DNMT1: variants seen among roughly 807,000 people sequenced by gnomAD.
DNMT1 encodes the protein DNA methyltransferase 1, also known as DNA (cytosine-5)-methyltransferase 1.
DNMT1 carries 24 observed loss-of-function variants against 205.3 expected under a neutral mutation model. The observed-to-expected ratio is 0.12, with a 90% CI of 0.08 to 0.16. The LOEUF is 0.16. Ranked by LOEUF, DNMT1 falls within the 10% of genes least tolerant of loss-of-function variation. The pLI, the probability that DNMT1 is intolerant of heterozygous loss-of-function variation, is 1.00. For synonymous variants in DNMT1, 817 were observed against 839.8 expected, an observed-to-expected ratio of 0.97 and a Z score of 0.47; for missense variants, 1,293 against 2,177.7, an observed-to-expected ratio of 0.59 and a Z score of 8.09.
At chr19:10,142,531 G>C in intron 29 of DNMT1, among the ~76,000 whole-genome samples, 1 of 150,638 alleles carries the variant, frequency 6.6e-6, no homozygotes, top group East Asian at 2.0e-4. Context: ...CTCCCAGTAA[G>C]GGAATCACAG....
At chr19:10,153,050 G>C (rs750035782) in intron 22 of DNMT1, among the ~76,000 whole-genome samples, 2 of 152,096 alleles carry the variant, frequency 1.3e-5, no homozygotes, top group Non-Finnish European at 2.9e-5. Flanking sequence ...GTGGTGTGAG[G>C]AAAGAAGAAC....
chr19:10,183,239 C>T (rs1356724452), intron 1 of DNMT1, among the ~76,000 whole-genome samples: 3 of 151,538 alleles, frequency 2.0e-5, no homozygotes, highest in Non-Finnish European at 2.9e-5. Flanking sequence ...GCTCAGCCTC[C>T]CGAGTAGCTG....
At chr19:10,169,462 C>T (rs1371691015) in intron 9 of DNMT1, among the ~76,000 whole-genome samples, 1 of 150,712 alleles carries the variant, frequency 6.6e-6, no homozygotes, top group Non-Finnish European at 1.5e-5. Context: ...GAGGTGGAGG[C>T]AGGAGAATGG....
chr19:10,193,476 A>C (rs2145414200), intron 1 of DNMT1, among the ~76,000 whole-genome samples: 1 of 149,830 alleles, frequency 6.7e-6, no homozygotes, highest in South Asian at 2.3e-4. Flanking sequence ...TGATACTCCC[A>C]CCTTAGTCTG....
intron 2 of DNMT1, 77 bp from the exon 3 acceptor site, chr19:10,180,962 G>A: frequency 8.4e-7 from 1 of 1,191,380 alleles, no homozygotes; most frequent in East Asian, 2.4e-5. Flanking sequence ...AAATTATTGA[G>A]CTGCCTGATC....
At chr19:10,173,319 T>C in intron 8 of DNMT1, 145 bp from the exon 9 acceptor site, 1 of 791,950 alleles carries the variant, frequency 1.3e-6, no homozygotes, top group African/African-American at 1.7e-5. Flanking sequence ...TAACATTTAG[T>C]ATTTGATATG....
Position 10,149,665 on chromosome 19 carries a change from C to A in DNMT1, c.2382-8G>T, listed in dbSNP as rs2038292825. On this transcript the variant is annotated splice_polypyrimidine_tract_variant and splice_region_variant and intron_variant, in intron 25 of 40. Coordinates refer to ENST00000359526, the MANE Select transcript of DNMT1 (RefSeq NM_001130823.3). ...TCCCACAGCGCCGTGACCCTGGAAT[C>A]AGAAGACGGGCATGGGGAGAAAGTT... The A allele has an allele frequency of 4.3e-6, 7 of 1,613,432 alleles. No homozygotes were observed. Among genetic ancestry groups the A allele is most frequent in the Non-Finnish European group, 5.9e-6 (7 of 1,180,040 alleles).
At chr19:10,163,288 C>A (rs756450267) in intron 12 of DNMT1, 38 bp downstream of exon 12, 2 of 1,612,140 alleles carry the variant, frequency 1.2e-6, no homozygotes, top group South Asian at 2.2e-5. Context: ...TTCTACTGAT[C>A]CAGATGACAC....
In DNMT1 at chr19:10,190,443, C is replaced by T. The variant is rs534237509; in HGVS notation, c.80+4377G>A. 2.0e-5 allele frequency among the ~76,000 whole-genome samples: 3 copies of T among 152,202 alleles called. No individual in the cohort carries two copies. In the East Asian group the frequency reaches 5.8e-4, roughly 29 times the overall value. On this transcript the variant is annotated intron_variant, in intron 1 of 40. Coordinates refer to ENST00000359526, the MANE Select transcript of DNMT1 (RefSeq NM_001130823.3). The stretch of plus-strand genomic sequence containing the variant: ...ACACTCTTTATTGTGGAGAAGCAAG[C>T]CTAGCTGTCTGAGAGCAGGCTTAAG...
In DNMT1 at chr19:10,140,303, G is replaced by A. The variant is rs1001521523; in HGVS notation, c.3549C>T (p.Ile1183=). 17 of 1,613,776 alleles carry A rather than the reference G, an allele frequency of 1.1e-5. No homozygotes were observed. The highest frequency in any genetic ancestry group is 4.5e-5 in the East Asian group (2 of 44,892). The change falls in exon 33 of 41, where the codon ATC becomes ATT. Residue 1183 remains isoleucine (I), a synonymous_variant. Transcript: ENST00000359526. The surrounding 1 kb of genome is among the most constrained non-coding windows in gnomAD (Gnocchi z 8.4). The part of the protein sequence containing the change: ...QAGISDTLWA[I]EMWDPAAQAF... Reference sequence around the variant, plus strand: ...CCTGGGCCGCAGGGTCCCACATCTCGATGGCCCACAGCGTGTCAGAGATGC... The same window carrying A: ...CCTGGGCCGCAGGGTCCCACATCTCAATGGCCCACAGCGTGTCAGAGATGC...
intron 13 of DNMT1, 115 bp from the exon 14 acceptor site, chr19:10,160,533 G>A: frequency 8.6e-7 from 1 of 1,166,232 alleles, no homozygotes; most frequent in South Asian, 1.3e-5. Flanking sequence ...GAGAAGGGGA[G>A]GGAGGCAGTG....
At chr19:10,181,448 C>G (rs933564563) in intron 2 of DNMT1, among the ~76,000 whole-genome samples, 4 of 150,920 alleles carry the variant, frequency 2.7e-5, no homozygotes, top group African/African-American at 9.8e-5. Flanking sequence ...GACCCTATCT[C>G]AAAACAATAA....
At position 10,146,582 on chromosome 19, in the gene DNMT1, G is replaced by A; in HGVS notation, c.2721-58C>T. ...CCTGAGGTGGCCGGCAGTGGCCGCA[G>A]CAGCTACTGCCAGCTTAATCCAGAG... On this transcript the variant is annotated intron_variant, in intron 27 of 40. Coordinates refer to ENST00000359526, the MANE Select transcript of DNMT1 (RefSeq NM_001130823.3). This position sits in a 1 kb window ranked among gnomAD's most constrained non-coding sequence, Gnocchi z 4.4. 6.2e-7 allele frequency: 1 copy of A among 1,605,172 alleles called. No homozygotes were observed. The highest frequency in any genetic ancestry group is 8.5e-7 in the Non-Finnish European group (1 of 1,174,714).
At position 10,159,193 on chromosome 19, in the gene DNMT1, A is replaced by C. The variant is rs1299981408; in HGVS notation, c.1280+465T>G. On this transcript the variant is annotated intron_variant, in intron 17 of 40. Transcript: ENST00000359526. The surrounding 1 kb of genome is among the most constrained non-coding windows in gnomAD (Gnocchi z 5.0). ...CCAAAAACCAAACCAAAAATCAGCA[A>C]AGCTCTATTGTCCCTTCATCAGCTT... is the stretch of plus-strand genomic sequence containing the variant. Among the ~76,000 whole-genome samples, 1 of 152,044 alleles carries C rather than the reference A, an allele frequency of 6.6e-6. No homozygotes were observed. Among genetic ancestry groups the C allele is most frequent in the Non-Finnish European group, 1.5e-5 (1 of 68,002 alleles).
At chr19:10,171,609 T>C (rs1200034450) in intron 9 of DNMT1, among the ~76,000 whole-genome samples, 1 of 151,880 alleles carries the variant, frequency 6.6e-6, no homozygotes, top group Non-Finnish European at 1.5e-5. Flanking sequence ...ATCAAGACCA[T>C]CCTGGCTAAC....
In DNMT1 at chr19:10,151,715, C is replaced by T. The variant is rs2038346647; in HGVS notation, c.2117+35G>A. On this transcript the variant is annotated intron_variant, in intron 23 of 40. Transcript: ENST00000359526. The surrounding 1 kb of genome is among the most constrained non-coding windows in gnomAD (Gnocchi z 5.0). ...GTGCATCTGCCACCAGCTGGCAAGT[C>T]CTCTGCCACAGGAGGAAGACTCGGC... The T allele has an allele frequency of 6.2e-7, 1 of 1,612,290 alleles. No homozygotes were observed. Among genetic ancestry groups the T allele is most frequent in the Admixed American group, 1.7e-5 (1 of 59,998 alleles).
intron 1 of DNMT1, among the ~76,000 whole-genome samples, chr19:10,182,402 T>TAC (rs1252337921): frequency 2.4e-5 from 2 of 82,136 alleles, no homozygotes; most frequent in Non-Finnish European, 5.3e-5. Flanking sequence ...TGTGTATATA[T>TAC]ATACATATAT....
Position 10,151,909 on chromosome 19 carries a change from C to A in DNMT1, c.2020-62G>T, listed in dbSNP as rs950140267. The A allele has an allele frequency of 4.0e-6, 6 of 1,518,222 alleles. No homozygotes were observed. In the African/African-American group the frequency reaches 8.2e-5, roughly 21 times the overall value. 94.0% of individuals were successfully genotyped at this position (1,518,222 alleles called of 1,614,324 possible). A position where few individuals can be genotyped will look rare whatever the true frequency, so the allele number is the denominator to read the frequency against. On this transcript the variant is annotated intron_variant, in intron 22 of 40. Transcript: ENST00000359526. The surrounding 1 kb of genome is among the most constrained non-coding windows in gnomAD (Gnocchi z 5.0). ...GCACAGTGGTTCATGCCTGTAATCC[C>A]AGTATTTCAGAAGGCCGAGGCAGGC...
chr19:10,147,880 G>A (rs554950316), intron 27 of DNMT1, among the ~76,000 whole-genome samples: 7 of 151,158 alleles, frequency 4.6e-5, no homozygotes, highest in Admixed American at 2.6e-4. Context: ...TTGGGAAGCC[G>A]AAGCGGGTAG....
Sources: gnomAD v4.1 joint callset for allele counts (sites outside exome capture counted in the v4.1 genomes callset) on GRCh38, gnomAD v4.1.1 for gene constraint, Gnocchi (gnomAD v3.1) non-coding constraint, MANE v1.5 for transcripts, NCBI Gene and HGNC (gene_info 2026-07-23, HGNC 2026-07-21) for gene names.